Variants in OR51M1 observed in about 807,000 individuals in gnomAD.
OR51M1 encodes olfactory receptor 51M1.
For missense variants in OR51M1, 509 were observed against 404.4 expected, an observed-to-expected ratio of 1.26 and a Z score of -2.22; for synonymous variants, 199 against 155.1, an observed-to-expected ratio of 1.28 and a Z score of -2.10.
At chr11:5,389,023 A>G (rs2736532) in intron 2 of OR51M1, among the ~76,000 whole-genome samples, 54,618 of 152,024 alleles carry the variant, frequency 0.36, 9,977 homozygotes, top group South Asian at 0.44. Flanking sequence ...TTCTGGAATT[A>G]TATATTTGTT....
In OR51M1 at chr11:5,389,682, G is replaced by C. The variant is rs202231256; in HGVS notation, c.284G>C (p.Gly95Ala). The change falls in exon 3 of 3, where the codon GGG becomes GCG. Residue 95 changes from glycine (G) to alanine (A), a missense_variant. By Grantham distance (60) the Gly-to-Ala change is moderately conservative. Coordinates refer to ENST00000642046, the MANE Select transcript of OR51M1 (RefSeq NM_001004756.3). ...GTGTCCACGTTGCCCACCACTATGG[G>C]GATCTTCTGGTTTAACTCCCATAGT... ...LCVSTLPTTMGIFWFNSHSIY... is the reference protein window; with the variant it reads ...LCVSTLPTTMAIFWFNSHSIY... The C allele has an allele frequency of 1.3e-4, 206 of 1,613,572 alleles. No individual in the cohort carries two copies. In the African/African-American group the frequency reaches 2.5e-3, roughly 19 times the overall value.
rs1284114217 is a variant in OR51M1, at chr11:5,389,931, T to C, written c.533T>C (p.Phe178Ser). Residue 178 changes from phenylalanine (F) to serine (S), a missense_variant, in exon 3 of 3, where the codon TTT becomes TCT. Physicochemically the swap from Phe to Ser is radical, Grantham distance 155. Transcript: ENST00000642046. Reference protein sequence around the residue: ...TIPIVLLLKAFPYCGSVVLSH... With the variant: ...TIPIVLLLKASPYCGSVVLSH... The stretch of plus-strand genomic sequence containing the variant: ...CCTATTGTCCTCCTCCTGAAGGCTT[T>C]TCCCTACTGTGGATCTGTGGTCCTC... 1 of 1,611,390 alleles carries C rather than the reference T, an allele frequency of 6.2e-7. No individual in the cohort carries two copies. The highest frequency in any genetic ancestry group is 1.1e-5 in the South Asian group (1 of 91,080).
In OR51M1 at chr11:5,390,274, C is replaced by T; in HGVS notation, c.876C>T (p.Tyr292=). Residue 292 remains tyrosine (Y), a synonymous_variant, in exon 3 of 3, where the codon TAC becomes TAT. Transcript: ENST00000642046. ...TTCATCTTCTTATGGCCAATGTCTA[C>T]CTTTTTGTGCCTCCCATGCTTAACC... The part of the protein sequence containing the change: ...PAIHLLMANV[Y]LFVPPMLNPI... The T allele has an allele frequency of 6.2e-7, 1 of 1,613,998 alleles. No homozygotes were observed. The highest frequency in any genetic ancestry group is 8.5e-7 in the Non-Finnish European group (1 of 1,179,894).
In OR51M1 at chr11:5,389,985, T is replaced by C. The variant is rs762182841; in HGVS notation, c.587T>C (p.Val196Ala). 89 of 1,612,598 alleles carry C rather than the reference T, an allele frequency of 5.5e-5. No homozygotes were observed. The Admixed American group carries it at 1.5e-3, about 27-fold the overall frequency. The change falls in exon 3 of 3, where the codon GTG becomes GCG. Residue 196 changes from valine (V) to alanine (A), a missense_variant. Physicochemically the swap from Val to Ala is moderately conservative, Grantham distance 64. Coordinates refer to ENST00000642046, the MANE Select transcript of OR51M1 (RefSeq NM_001004756.3). ...LSHSFCLHQE[V>A]IQLACTDITF... ...CACTCATTTTGCCTGCACCAGGAAG[T>C]GATACAGCTGGCCTGCACAGATATC... is the stretch of plus-strand genomic sequence containing the variant.
intron 1 of OR51M1, among the ~76,000 whole-genome samples, chr11:5,384,294 T>C (rs1459551910): frequency 2.0e-5 from 3 of 152,130 alleles, no homozygotes; most frequent in Non-Finnish European, 4.4e-5. Flanking sequence ...ACCTTATTCT[T>C]CCAAGTTGCC....
At chr11:5,385,948 A>ATG (rs1849688540) in intron 2 of OR51M1, among the ~76,000 whole-genome samples, 1 of 149,314 alleles carries the variant, frequency 6.7e-6, no homozygotes, top group African/African-American at 2.4e-5. Context: ...TATGTTCTAT[A>ATG]TATATATCAA....
chr11:5,384,741 T>C (rs143489741), intron 1 of OR51M1, among the ~76,000 whole-genome samples: 3 of 152,330 alleles, frequency 2.0e-5, no homozygotes, highest in East Asian at 3.9e-4. Context: ...CCAGTTAACA[T>C]AGAAAAGACC....
rs1199126475 is a variant in OR51M1 at position 5,393,037 on chromosome 11, A to G, written c.*2658A>G. 3 of 152,258 alleles carry G rather than the reference A, an allele frequency of 2.0e-5. No homozygotes were observed. Among genetic ancestry groups the G allele is most frequent in the African/African-American group, 7.2e-5 (3 of 41,476 alleles). 9.4% of individuals were successfully genotyped at this position (152,258 alleles called of 1,614,324 possible). The stretch of plus-strand genomic sequence containing the variant: ...CTTTTATAAAAAACAAAATACATCA[A>G]AAGACTTGAAAATATTCATGCTCTG... On this transcript the variant is annotated 3_prime_UTR_variant, in exon 3 of 3. Coordinates refer to ENST00000642046, the MANE Select transcript of OR51M1 (RefSeq NM_001004756.3).
At chr11:5,384,843 A>G (rs537236538) in intron 1 of OR51M1, among the ~76,000 whole-genome samples, 1 of 152,266 alleles carries the variant, frequency 6.6e-6, no homozygotes, top group East Asian at 1.9e-4. Flanking sequence ...ATCCTCCTCT[A>G]TCCTACTAAA....
In OR51M1 at chr11:5,390,997, C is replaced by T. The variant is rs1336366742; in HGVS notation, c.*618C>T. 6.6e-6 allele frequency: 1 copy of T among 152,324 alleles called. No homozygotes were observed. Among genetic ancestry groups the T allele is most frequent in the African/African-American group, 2.4e-5 (1 of 41,452 alleles). The allele number at this position is 152,324 out of a possible 1,614,324, so 9.4% of individuals were successfully genotyped here. On this transcript the variant is annotated 3_prime_UTR_variant, in exon 3 of 3. Transcript: ENST00000642046. Reference sequence around the variant, plus strand: ...TTCCTCTAGAAGAAGAGACTTTGATCCTATCCTTGACTCCTCTCATCTCTG... The same window carrying T: ...TTCCTCTAGAAGAAGAGACTTTGATTCTATCCTTGACTCCTCTCATCTCTG...
intron 1 of OR51M1, 128 bp from the exon 2 acceptor site, chr11:5,385,225 A>T (rs1849668514): frequency 6.6e-6 from 1 of 152,220 alleles, no homozygotes; most frequent in South Asian, 2.1e-4. Flanking sequence ...ACATGAAAAA[A>T]TGACTGTTGC....
In OR51M1 at chr11:5,385,219, G is replaced by GA. The variant is rs576674638; in HGVS notation, c.-121-128dup. ...GACTCCTCCATTGCTTAGTAGACAT[G>GA]AAAAAATGACTGTTGCTCTCCTATC... On this transcript the variant is annotated intron_variant, in intron 1 of 2. Transcript: ENST00000642046. 444 of 152,218 alleles carry GA rather than the reference G, an allele frequency of 2.9e-3. 1 individual carries two copies. Among genetic ancestry groups the GA allele is most frequent in the African/African-American group, 0.01 (420 of 41,522 alleles). 9.4% of individuals were successfully genotyped at this position (152,218 alleles called of 1,614,324 possible). A position where few individuals can be genotyped will look rare whatever the true frequency, so the allele number is the denominator to read the frequency against.
chr11:5,384,817 G>A (rs551969393), intron 1 of OR51M1, among the ~76,000 whole-genome samples: 78 of 152,254 alleles, frequency 5.1e-4, no homozygotes, highest in African/African-American at 1.8e-3. Flanking sequence ...CCAGGATATG[G>A]CCTTCGCCTT....
At chr11:5,385,888 TTA>T (rs1251955963) in intron 2 of OR51M1, among the ~76,000 whole-genome samples, 6 of 149,290 alleles carry the variant, frequency 4.0e-5, no homozygotes, top group Non-Finnish European at 7.4e-5. Context: ...ATCTATACAC[TTA>T]TATGTTATTT....
chr11:5,386,007 A>C (rs1478459972), intron 2 of OR51M1, among the ~76,000 whole-genome samples: 1 of 151,398 alleles, frequency 6.6e-6, no homozygotes, highest in Non-Finnish European at 1.5e-5. Context: ...GTGTATTTAC[A>C]CCTTAATAGT....
rs1849773642 is a variant in OR51M1 at position 5,390,189 on chromosome 11, T to C, written c.791T>C (p.Phe264Ser). 4 of 1,614,028 alleles carry C rather than the reference T, an allele frequency of 2.5e-6. No homozygotes were observed. The highest frequency in any genetic ancestry group is 3.4e-6 in the Non-Finnish European group (4 of 1,179,878). Residue 264 changes from phenylalanine (F) to serine (S), a missense_variant, in exon 3 of 3, where the codon TTT (phenylalanine) becomes TCT (serine). By Grantham distance (155) the Phe-to-Ser change is radical. Transcript: ENST00000642046. ...CCTCTCTGTGCTGTGCTAGTATTCT[T>C]TGTGCCCATGATGGGGCTGTCCCTG... is the stretch of plus-strand genomic sequence containing the variant. ...TAPLCAVLVF[F>S]VPMMGLSLVH...
rs866357838 is a variant in OR51M1, at chr11:5,391,415, T to A, written c.*1036T>A. On this transcript the variant is annotated 3_prime_UTR_variant, in exon 3 of 3. Transcript: ENST00000642046. Reference sequence around the variant, plus strand: ...CTGTTTATGAAGGTGTGTGCATGTGTCCATTAGAATGACTAAATCAAGATC... The same window carrying A: ...CTGTTTATGAAGGTGTGTGCATGTGACCATTAGAATGACTAAATCAAGATC... 6.6e-6 allele frequency: 1 copy of A among 152,234 alleles called. No homozygotes were observed. The highest frequency in any genetic ancestry group is 1.5e-5 in the Non-Finnish European group (1 of 68,052). The allele number at this position is 152,234 out of a possible 1,614,324, so 9.4% of individuals were successfully genotyped here.
intron 2 of OR51M1, among the ~76,000 whole-genome samples, chr11:5,388,119 GAAAT>G (rs1849729799): frequency 6.6e-6 from 1 of 151,848 alleles, no homozygotes; most frequent in Non-Finnish European, 1.5e-5. Context: ...ATTGAATATT[GAAAT>G]AATTATTGAA....
intron 2 of OR51M1, among the ~76,000 whole-genome samples, chr11:5,386,557 G>A (rs569571282): frequency 1.3e-5 from 2 of 151,982 alleles, no homozygotes; most frequent in Non-Finnish European, 2.9e-5. Context: ...TTACAAGTTT[G>A]AACTTTATTC....
Sources: gnomAD v4.1 joint callset for allele counts (sites outside exome capture counted in the v4.1 genomes callset) on GRCh38, gnomAD v4.1.1 for gene constraint, MANE v1.5 for transcripts, NCBI Gene and HGNC (gene_info 2026-07-23, HGNC 2026-07-21) for gene names.